KHDC1: variants seen among roughly 807,000 people sequenced by gnomAD.
KHDC1 encodes the protein KH homology domain-containing protein 1.
Under a neutral mutation model 24.7 loss-of-function variants are expected in KHDC1, and 21 were observed. The ratio of observed to expected loss-of-function variants is 0.85; its 90% CI spans 0.60 to 1.23. The LOEUF (loss-of-function observed/expected upper bound fraction) is 1.23. Among genes scored for constraint, KHDC1 ranks in the 50% most tolerant of loss-of-function variants. The pLI, the probability that KHDC1 is intolerant of heterozygous loss-of-function variation, is 0.00. For missense variants in KHDC1, 274 were observed against 298.5 expected, an observed-to-expected ratio of 0.92 and a Z score of 0.61; for synonymous variants, 98 against 111.7, an observed-to-expected ratio of 0.88 and a Z score of 0.77.
chr6:73,299,552 C>T (rs1156433448), intron 1 of KHDC1: 1 of 152,444 alleles, frequency 6.6e-6, no homozygotes, highest in African/African-American at 2.4e-5. Flanking sequence ...GGAGCCGCCC[C>T]TCTGGGCCGC....
At chr6:73,265,528 CAAAAAA>C (rs70994179) in intron 2 of KHDC1, among the ~76,000 whole-genome samples, 3 of 74,502 alleles carry the variant, frequency 4.0e-5, no homozygotes, top group Non-Finnish European at 7.7e-5. Flanking sequence ...GACTCCGTCT[CAAAAAA>C]AAAAAAAAAA....
chr6:73,298,348 C>A (rs1010198721), intron 1 of KHDC1, among the ~76,000 whole-genome samples: 7 of 151,168 alleles, frequency 4.6e-5, no homozygotes, highest in African/African-American at 1.7e-4. Context: ...TTTTCCTTGG[C>A]AAGAGTTCTT....
At chr6:73,293,962 C>T (rs1287610684) in intron 1 of KHDC1, among the ~76,000 whole-genome samples, 3 of 149,406 alleles carry the variant, frequency 2.0e-5, no homozygotes, top group Non-Finnish European at 4.4e-5. Flanking sequence ...GCCAAGATCA[C>T]GCCATTGCAC....
chr6:73,241,412 G>A, exon 5 of KHDC1: 2 of 903,532 alleles, frequency 2.2e-6, no homozygotes, highest in East Asian at 4.8e-5. Context: ...GACCTGAGAG[G>A]GACAGGTCCC....
At chr6:73,270,430 G>A (rs999704076) in intron 2 of KHDC1, 33 of 151,778 alleles carry the variant, frequency 2.2e-4, no homozygotes, top group African/African-American at 7.0e-4. Context: ...GAGATTTTGC[G>A]ACTACACTCC....
At position 73,292,649 on chromosome 6, in the gene KHDC1, A is replaced by G. The variant is rs1292270181; in HGVS notation, c.164-609T>C. The G allele has an allele frequency of 7.9e-6, 6 of 755,440 alleles. No individual in the cohort carries two copies. The African/African-American group carries it at 1.0e-4, about 13-fold the overall frequency. 46.8% of individuals were successfully genotyped at this position (755,440 alleles called of 1,614,324 possible). A position where few individuals can be genotyped will look rare whatever the true frequency, so the allele number is the denominator to read the frequency against. ...TTCAATCACCCCAAAGGTTGTGATA[A>G]TATTGTTGATCTCTTCCTTTACCAG... On this transcript the variant is annotated intron_variant, in intron 1 of 4. Transcript: ENST00000370384.
intron 2 of KHDC1, chr6:73,291,897 A>G (rs2150731038): frequency 7.7e-7 from 1 of 1,300,672 alleles, no homozygotes; most frequent in Non-Finnish European, 1.1e-6. Context: ...AAGCCTGCAC[A>G]TGCACCTCCT....
chr6:73,305,541 C>G (rs1028067769), intron 1 of KHDC1, among the ~76,000 whole-genome samples: 1 of 152,068 alleles, frequency 6.6e-6, no homozygotes, highest in Non-Finnish European at 1.5e-5. Flanking sequence ...ACATCCAAAA[C>G]AGAAAGGACC....
exon 1 of KHDC1, chr6:73,309,772 T>TC (rs1768045919): frequency 1.3e-6 from 2 of 1,519,430 alleles, no homozygotes; most frequent in East Asian, 4.9e-5. Flanking sequence ...GTACAGCTCC[T>TC]CCCGCCACCG....
chr6:73,259,860 A>C (rs1582559611), intron 2 of KHDC1, among the ~76,000 whole-genome samples: 2 of 152,208 alleles, frequency 1.3e-5, no homozygotes, highest in Non-Finnish European at 2.9e-5. Context: ...GGCATTTACC[A>C]TATAAACATA....
intron 2 of KHDC1, among the ~76,000 whole-genome samples, chr6:73,273,043 G>C (rs559319318): frequency 1.3e-4 from 19 of 151,356 alleles, no homozygotes; most frequent in Middle Eastern, 3.4e-3. Context: ...ATTTTTAGTA[G>C]AGATGGGGTT....
Position 73,310,011 on chromosome 6 carries a change from C to G in KHDC1, c.-297G>C, listed in dbSNP as rs1768052479. The G allele has an allele frequency of 1.4e-5, 5 of 355,408 alleles. No individual in the cohort carries two copies. The South Asian group carries it at 1.7e-4, about 12-fold the overall frequency. 22.0% of individuals were successfully genotyped at this position (355,408 alleles called of 1,614,324 possible). Reference sequence around the variant, plus strand: ...CAAACAACGGTGATAACATCCACAACGCCACGTAAACCATCTTTGGGCCTT... The same window carrying G: ...CAAACAACGGTGATAACATCCACAAGGCCACGTAAACCATCTTTGGGCCTT... On this transcript the variant is annotated 5_prime_UTR_variant, in exon 1 of 5. Transcript: ENST00000370384.
chr6:73,300,798 A>T (rs940819036), intron 1 of KHDC1: 1 of 152,182 alleles, frequency 6.6e-6, no homozygotes, highest in Non-Finnish European at 1.5e-5. Flanking sequence ...CCAATGGAAA[A>T]TCCAGTTTTC....
At chr6:73,266,683 A>G (rs1767082338) in intron 2 of KHDC1, among the ~76,000 whole-genome samples, 1 of 152,246 alleles carries the variant, frequency 6.6e-6, no homozygotes, top group Non-Finnish European at 1.5e-5. Context: ...CAAAAGCTTC[A>G]TGATGTTAGA....
At chr6:73,300,201 C>CAG (rs1767848829) in intron 1 of KHDC1, 1 of 152,352 alleles carries the variant, frequency 6.6e-6, no homozygotes, top group Admixed American at 6.5e-5. Context: ...CAGTGTCACT[C>CAG]TTCAGGATGT....
intron 2 of KHDC1, among the ~76,000 whole-genome samples, chr6:73,262,056 G>A (rs1766990559): frequency 6.6e-6 from 1 of 151,940 alleles, no homozygotes; most frequent in African/African-American, 2.4e-5. Context: ...TCCAGCCTAG[G>A]CAGCAGGAAA....
At chr6:73,284,870 G>A (rs951151662) in intron 2 of KHDC1, 4 of 151,850 alleles carry the variant, frequency 2.6e-5, no homozygotes, top group African/African-American at 7.3e-5. Context: ...TTTAGATGGA[G>A]TTTCGCTCTT....
chr6:73,278,009 GTTTTTTTTTTT>G (rs70994182), intron 2 of KHDC1, among the ~76,000 whole-genome samples: 11 of 106,352 alleles, frequency 1.0e-4, no homozygotes, highest in East Asian at 2.7e-4. Context: ...TCTCTCGGGT[GTTTTTTTTTTT>G]TTTTTTTTTT....
At chr6:73,307,288 C>G (rs558316820) in intron 1 of KHDC1, among the ~76,000 whole-genome samples, 1 of 151,620 alleles carries the variant, frequency 6.6e-6, no homozygotes, top group Non-Finnish European at 1.5e-5. Context: ...ATTAGCCAGG[C>G]GTGATGCCGG....
Sources: gnomAD v4.1 joint callset for allele counts (sites outside exome capture counted in the v4.1 genomes callset) on GRCh38, gnomAD v4.1.1 for gene constraint, MANE v1.5 for transcripts, NCBI Gene and HGNC (gene_info 2026-07-23, HGNC 2026-07-21) for gene names.